The following SLC25A21 variants were observed in gnomAD, a reference collection of about 807,000 sequenced individuals.
The protein encoded by SLC25A21 is mitochondrial 2-oxodicarboxylate carrier.
A neutral mutation model predicts 43.8 loss-of-function variants in SLC25A21; 47 were observed. That is an observed-to-expected ratio of 1.07 (90% CI 0.85 to 1.37). The LOEUF (loss-of-function observed/expected upper bound fraction) is 1.37. SLC25A21 is among the 40% of genes most tolerant of loss of function. SLC25A21 has a pLI of 0.00. For synonymous variants in SLC25A21, 131 were observed against 121.3 expected (o/e 1.08, Z -0.52); for missense variants, 352 against 350.2 (o/e 1.00, Z -0.04).
chr14:36,945,844 C>T (rs183498417), intron 1 of SLC25A21, among the ~76,000 whole-genome samples: 17 of 152,136 alleles, frequency 1.1e-4, no homozygotes, highest in African/African-American at 4.1e-4. Context: ...GAACTATACA[C>T]TTAAAAATGG....
intron 1 of SLC25A21, among the ~76,000 whole-genome samples, chr14:36,984,284 A>G (rs1248585840): frequency 6.6e-6 from 1 of 152,204 alleles, no homozygotes; most frequent in African/African-American, 2.4e-5. Flanking sequence ...AGTTGCAACG[A>G]CACTGACATT....
intron 1 of SLC25A21, among the ~76,000 whole-genome samples, chr14:36,876,587 C>T (rs1168926236): frequency 2.5e-5 from 3 of 120,092 alleles, no homozygotes. Context: ...CAGAAATCTT[C>T]CTTGCTAACT....
chr14:36,824,942 G>A (rs1888771165), intron 2 of SLC25A21, among the ~76,000 whole-genome samples: 1 of 152,096 alleles, frequency 6.6e-6, no homozygotes, highest in African/African-American at 2.4e-5. Context: ...TTCCCTTAGG[G>A]GAGAAGAGAT....
At chr14:37,044,073 C>T (rs1392691334) in intron 1 of SLC25A21, among the ~76,000 whole-genome samples, 1 of 151,376 alleles carries the variant, frequency 6.6e-6, no homozygotes, top group Non-Finnish European at 1.5e-5. Context: ...CTTGAGCCAT[C>T]ACACCCAGCC....
At chr14:36,733,188 G>A (rs114217449) in intron 4 of SLC25A21, among the ~76,000 whole-genome samples, 1,635 of 152,300 alleles carry the variant, frequency 0.011, 30 homozygotes, top group African/African-American at 0.038. Flanking sequence ...TCACTGAACA[G>A]ATGAGTATAT....
chr14:36,967,225 G>A (rs1294127997), intron 1 of SLC25A21, among the ~76,000 whole-genome samples: 1 of 152,150 alleles, frequency 6.6e-6, no homozygotes, highest in Non-Finnish European at 1.5e-5. Context: ...GAAGTGGGGA[G>A]AAACAGACCT....
intron 3 of SLC25A21, among the ~76,000 whole-genome samples, chr14:36,811,982 T>C (rs1888286623): frequency 6.6e-6 from 1 of 152,242 alleles, no homozygotes; most frequent in African/African-American, 2.4e-5. Context: ...GACACTATAG[T>C]TGTAAGACAA....
chr14:37,040,973 G>A (rs1451827490), intron 1 of SLC25A21, among the ~76,000 whole-genome samples: 1 of 151,964 alleles, frequency 6.6e-6, no homozygotes, highest in African/African-American at 2.4e-5. Context: ...GACATTCAGA[G>A]AAAAAAGTCC....
chr14:36,694,750 C>G (rs1192287539), intron 7 of SLC25A21, among the ~76,000 whole-genome samples: 2 of 151,912 alleles, frequency 1.3e-5, no homozygotes, highest in Non-Finnish European at 2.9e-5. Context: ...CCCACTTTTT[C>G]ATGAGGTTGT....
At chr14:37,127,008 A>C (rs886204751) in intron 1 of SLC25A21, among the ~76,000 whole-genome samples, 3 of 152,218 alleles carry the variant, frequency 2.0e-5, no homozygotes, top group Non-Finnish European at 2.9e-5. Flanking sequence ...ATGTTTCTAC[A>C]ACATAAATAT....
intron 2 of SLC25A21, among the ~76,000 whole-genome samples, chr14:36,831,410 T>C (rs975703106): frequency 3.9e-5 from 6 of 152,202 alleles, no homozygotes; most frequent in Admixed American, 1.3e-4. Context: ...TAAAACTATA[T>C]GTATGATTCA....
intron 1 of SLC25A21, among the ~76,000 whole-genome samples, chr14:37,066,692 GTA>G (rs1962067653): frequency 2.0e-5 from 3 of 151,872 alleles, no homozygotes; most frequent in African/African-American, 4.8e-5. Flanking sequence ...CATTTAAAAA[GTA>G]TATGTGTGTA....
intron 3 of SLC25A21, among the ~76,000 whole-genome samples, chr14:36,756,982 G>A (rs1167405775): frequency 6.6e-6 from 1 of 151,958 alleles, no homozygotes. Flanking sequence ...AGTTGGGCGT[G>A]GTGGCTCATG....
At chr14:37,055,729 T>A (rs780584761) in intron 1 of SLC25A21, among the ~76,000 whole-genome samples, 1 of 152,174 alleles carries the variant, frequency 6.6e-6, no homozygotes. Context: ...GAATTGTAAA[T>A]TGGAGACACA....
At chr14:36,769,278 T>G (rs1037343681) in intron 3 of SLC25A21, among the ~76,000 whole-genome samples, 1 of 152,238 alleles carries the variant, frequency 6.6e-6, no homozygotes, top group Non-Finnish European at 1.5e-5. Context: ...TTTCCAACAA[T>G]GACAATTTTA....
chr14:36,749,336 C>T (rs1051861456), intron 3 of SLC25A21, among the ~76,000 whole-genome samples: 18 of 152,230 alleles, frequency 1.2e-4, no homozygotes, highest in African/African-American at 4.3e-4. Context: ...GTTACTCAGG[C>T]CAGAATCTTT....
intron 1 of SLC25A21, among the ~76,000 whole-genome samples, chr14:37,017,053 T>C (rs912478395): frequency 1.3e-5 from 2 of 152,088 alleles, no homozygotes; most frequent in African/African-American, 4.8e-5. Context: ...CACTTTCTTA[T>C]CATTTGTTTG....
intron 1 of SLC25A21, among the ~76,000 whole-genome samples, chr14:37,091,624 A>G (rs1962588502): frequency 6.6e-6 from 1 of 152,226 alleles, no homozygotes; most frequent in Non-Finnish European, 1.5e-5. Context: ...TGTGCATTAG[A>G]TGATGCAAAT....
In SLC25A21 at chr14:37,020,775, A is replaced by C. The variant is rs376731027; in HGVS notation, c.71-145771T>G. Among the ~76,000 whole-genome samples, 3 of 151,984 alleles carry C rather than the reference A, an allele frequency of 2.0e-5. No individual in the cohort carries two copies. The East Asian group carries it at 5.8e-4, about 29-fold the overall frequency. On this transcript the variant is annotated intron_variant, in intron 1 of 9. Transcript: ENST00000331299. ...AGGGCAGACCTAACATGAGGTGATT[A>C]GTTTCAAAAACAGATTTTTATTCTT...
Sources: gnomAD v4.1 joint callset for allele counts (sites outside exome capture counted in the v4.1 genomes callset) on GRCh38, gnomAD v4.1.1 for gene constraint, MANE v1.5 for transcripts, NCBI Gene and HGNC (gene_info 2026-07-23, HGNC 2026-07-21) for gene names.